The following CABP2 variants were observed in gnomAD, a reference collection of about 807,000 sequenced individuals.
The protein encoded by CABP2 is calcium binding protein 2, also known as calcium-binding protein 2.
CABP2 carries 25 observed loss-of-function variants against 28.6 expected under a neutral mutation model. The ratio of observed to expected loss-of-function variants is 0.87; its 90% confidence interval spans 0.64 to 1.22. CABP2 has a LOEUF of 1.22. Ranked by LOEUF, CABP2 falls within the 50% of genes most tolerant of loss-of-function variation. The pLI, the probability that CABP2 is intolerant of heterozygous loss-of-function variation, is 0.00. For synonymous variants in CABP2, 138 were observed against 126.0 expected (o/e 1.09, Z -0.64); for missense variants, 310 against 312.2 (o/e 0.99, Z 0.05).
intron 4 of CABP2, 145 bp from the exon 5 acceptor site, chr11:67,520,305 T>G: frequency 1.6e-6 from 1 of 613,288 alleles, no homozygotes; most frequent in South Asian, 2.0e-5. Flanking sequence ...TATTTCCCAA[T>G]GGGAATCGCC....
chr11:67,522,118 G>A (rs935713157), intron 2 of CABP2, 136 bp from the exon 3 acceptor site: 5 of 808,040 alleles, frequency 6.2e-6, no homozygotes, highest in South Asian at 1.7e-5. Flanking sequence ...TGATTGCTCG[G>A]CCCTGGTTCC....
chr11:67,520,082 C>A lies in CABP2; in HGVS notation c.458G>T (p.Gly153Val), dbSNP rs1252256343. 1 of 1,613,700 alleles carries A rather than the reference C, an allele frequency of 6.2e-7. No individual in the cohort carries two copies. The highest frequency in any genetic ancestry group is 1.7e-5 in the Admixed American group (1 of 60,028). The change falls in exon 5 of 7, where the codon GGT becomes GTT. Residue 153 changes from glycine (G) to valine (V), a missense_variant. Coordinates refer to ENST00000294288, the MANE Select transcript of CABP2 (RefSeq NM_016366.3). ...KLLAETADMI[G>V]VRELRDAFRE... Reference sequence around the variant, plus strand: ...GAAGGCGTCCCGTAGCTCCCGGACACCGATCATGTCTGCCGTCTCTGCCAG... The same window carrying A: ...GAAGGCGTCCCGTAGCTCCCGGACAACGATCATGTCTGCCGTCTCTGCCAG...
At position 67,521,027 on chromosome 11, in the gene CABP2, A is replaced by G. The variant is rs1866738825; in HGVS notation, c.377T>C (p.Ile126Thr). The G allele has an allele frequency of 6.2e-7, 1 of 1,613,210 alleles. No homozygotes were observed. The highest frequency in any genetic ancestry group is 1.3e-5 in the African/African-American group (1 of 74,674). ...EMELIEISQQISGGKVDFEDF... is the reference protein window; with the variant it reads ...EMELIEISQQTSGGKVDFEDF... ...GGGGATGGGTCCGAGGCACATACTGATTTGTTGTGAGATCTCGATGAGCTC... is the reference window on the plus strand; with the variant it reads ...GGGGATGGGTCCGAGGCACATACTGGTTTGTTGTGAGATCTCGATGAGCTC... The change falls in exon 4 of 7, where the codon ATC becomes ACC. Residue 126 changes from isoleucine (I) to threonine (T), a missense_variant and splice_region_variant. Ile to Thr is a moderately conservative substitution (Grantham distance 89, BLOSUM62 -1). Coordinates refer to ENST00000294288, the MANE Select transcript of CABP2 (RefSeq NM_016366.3).
chr11:67,519,919 G>A lies in CABP2; in HGVS notation c.511C>T (p.Arg171Cys), dbSNP rs1866719116. ...GCCCGGAGCTCGCCCACGCTGATGC[G>A]GCCGTCCCCATTGGTGTCGAACTGT... ...FREFDTNGDG[R>C]ISVGELRAAL... Residue 171 changes from arginine (R) to cysteine (C), a missense_variant, in exon 6 of 7, where the codon CGC becomes TGC. Transcript: ENST00000294288. 6.2e-7 allele frequency: 1 copy of A among 1,609,992 alleles called. No individual in the cohort carries two copies. Among genetic ancestry groups the A allele is most frequent in the Non-Finnish European group, 8.5e-7 (1 of 1,179,560 alleles).
At chr11:67,520,223 C>T in intron 4 of CABP2, 63 bp from the exon 5 acceptor site, 1 of 1,003,106 alleles carries the variant, frequency 1.0e-6, no homozygotes, top group Non-Finnish European at 1.6e-6. Context: ...CTGGCCCTCC[C>T]TCCTCTGCCC....
chr11:67,522,526 G>A lies in CABP2; in HGVS notation c.213+20C>T, dbSNP rs375370335. ...GAGGGGCAAGGGCAGGCAGGCTGGC[G>A]GGCGGGTGGCCGTACATACGAGTTG... On this transcript the variant is annotated intron_variant, in intron 2 of 6. Coordinates refer to ENST00000294288, the MANE Select transcript of CABP2 (RefSeq NM_016366.3). 1.6e-5 allele frequency: 25 copies of A among 1,552,784 alleles called. No homozygotes were observed. Among genetic ancestry groups the A allele is most frequent in the African/African-American group, 1.5e-4 (11 of 73,092 alleles).
At chr11:67,522,420 C>T in intron 2 of CABP2, 126 bp downstream of exon 2, 1 of 989,620 alleles carries the variant, frequency 1.0e-6, no homozygotes, top group Non-Finnish European at 1.5e-6. Context: ...TCCTCTTCCC[C>T]CTAGCTCCAG....
chr11:67,520,274 G>T (rs1866728832), intron 4 of CABP2, 114 bp from the exon 5 acceptor site: 2 of 667,536 alleles, frequency 3.0e-6, no homozygotes, highest in Middle Eastern at 2.7e-4. Context: ...CTCCCTCTGC[G>T]CCAGAAGCCT....
intron 1 of CABP2, among the ~76,000 whole-genome samples, chr11:67,523,057 G>A (rs1866774014): frequency 6.6e-6 from 1 of 152,334 alleles, no homozygotes; most frequent in South Asian, 2.1e-4. Context: ...GGATGGGGCA[G>A]CTGGACGGGC....
intron 3 of CABP2, 55 bp from the exon 4 acceptor site, chr11:67,521,214 G>C: frequency 6.4e-7 from 1 of 1,568,178 alleles, no homozygotes; most frequent in Non-Finnish European, 8.6e-7. Flanking sequence ...TCCTGGCCTG[G>C]ACCCGCCTAC....
chr11:67,520,045 C>T lies in CABP2; in HGVS notation c.489+6G>A. On this transcript the variant is annotated splice_donor_region_variant and intron_variant, in intron 5 of 6. Coordinates refer to ENST00000294288, the MANE Select transcript of CABP2 (RefSeq NM_016366.3). The stretch of plus-strand genomic sequence containing the variant: ...CCCTGCCCGCCCTCAGCCCCAGTGG[C>T]CGCACCTCCCGGAAGGCGTCCCGTA... The T allele has an allele frequency of 6.2e-7, 1 of 1,610,704 alleles. No homozygotes were observed. The highest frequency in any genetic ancestry group is 8.5e-7 in the Non-Finnish European group (1 of 1,179,236).
chr11:67,520,086 T>G lies in CABP2; in HGVS notation c.454A>C (p.Ile152Leu). 1 of 1,613,730 alleles carries G rather than the reference T, an allele frequency of 6.2e-7. No individual in the cohort carries two copies. The highest frequency in any genetic ancestry group is 8.5e-7 in the Non-Finnish European group (1 of 1,179,966). ...PKLLAETADM[I>L]GVRELRDAFR... ...GCGTCCCGTAGCTCCCGGACACCGA[T>G]CATGTCTGCCGTCTCTGCCAGCAGC... Residue 152 changes from isoleucine to leucine, a missense_variant, in exon 5 of 7, where the codon ATC (isoleucine) becomes CTC (leucine). Coordinates refer to ENST00000294288, the MANE Select transcript of CABP2 (RefSeq NM_016366.3).
At position 67,521,166 on chromosome 11, in the gene CABP2, G is replaced by A; in HGVS notation, c.245-7C>T. ...TGGAAGGCGACCTGCAGCTCTGCCA[G>A]GCAGGGTGGGGTCAGTCCTTCCCCC... On this transcript the variant is annotated splice_region_variant and splice_polypyrimidine_tract_variant and intron_variant, in intron 3 of 6. Transcript: ENST00000294288. 1.2e-6 allele frequency: 2 copies of A among 1,610,934 alleles called. No individual in the cohort carries two copies. The highest frequency in any genetic ancestry group is 8.5e-7 in the Non-Finnish European group (1 of 1,179,826).
intron 6 of CABP2, 132 bp downstream of exon 6, chr11:67,519,661 T>C: frequency 1.2e-6 from 1 of 838,170 alleles, no homozygotes; most frequent in Non-Finnish European, 1.9e-6. Context: ...GGATTCTCCA[T>C]GATAATTAAC....
At chr11:67,521,876 C>A in intron 3 of CABP2, 76 bp downstream of exon 3, 2 of 694,980 alleles carry the variant, frequency 2.9e-6, no homozygotes, top group Non-Finnish European at 5.1e-6. Context: ...CGATGCCCCC[C>A]CAACCCTGTG....
chr11:67,520,977 C>T lies in CABP2; in HGVS notation c.379+48G>A, dbSNP rs2276119. 4.8e-5 allele frequency: 76 copies of T among 1,592,520 alleles called. No individual in the cohort carries two copies. The Middle Eastern group carries it at 9.1e-4, about 19-fold the overall frequency. ...GGACTGCTTGGCTTCATGGGCCCAGCGGGGGCATCTGGAGGACTGGGGATG... is the reference window on the plus strand; with the variant it reads ...GGACTGCTTGGCTTCATGGGCCCAGTGGGGGCATCTGGAGGACTGGGGATG... On this transcript the variant is annotated intron_variant, in intron 4 of 6. Transcript: ENST00000294288.
At chr11:67,520,614 C>T (rs1187979510) in intron 4 of CABP2, among the ~76,000 whole-genome samples, 2 of 152,134 alleles carry the variant, frequency 1.3e-5, no homozygotes, top group Non-Finnish European at 2.9e-5. Context: ...GCCGAGATAG[C>T]GCCATTGTCA....
intron 2 of CABP2, 111 bp downstream of exon 2, chr11:67,522,435 G>T: frequency 1.7e-6 from 2 of 1,147,900 alleles, no homozygotes; most frequent in Non-Finnish European, 2.5e-6. Context: ...CTCCAGGAGA[G>T]GCAAAGCGAG....
Position 67,521,934 on chromosome 11 carries a change from C to G in CABP2, c.244+18G>C. 7.1e-7 allele frequency: 1 copy of G among 1,401,666 alleles called. No individual in the cohort carries two copies. The highest frequency in any genetic ancestry group is 9.6e-7 in the Non-Finnish European group (1 of 1,047,048). 86.8% of individuals were successfully genotyped at this position (1,401,666 alleles called of 1,614,324 possible). A position where few individuals can be genotyped will look rare whatever the true frequency, so the allele number is the denominator to read the frequency against. On this transcript the variant is annotated intron_variant, in intron 3 of 6. Transcript: ENST00000294288. ...CCACCTCCCCTTCAGGGAACCAGTT[C>G]CTTCTCCAACCCTTTACCTTCAATC...
Sources: allele counts gnomAD v4.1 joint callset (sites outside exome capture counted in the v4.1 genomes callset), GRCh38; gene constraint gnomAD v4.1.1; transcripts MANE v1.5; gene names NCBI Gene and HGNC (gene_info 2026-07-23, HGNC 2026-07-21).